Variants in ADGRB3 observed in about 807,000 individuals in gnomAD.
The protein encoded by ADGRB3 is brain-specific angiogenesis inhibitor 3.
In ADGRB3, 37 loss-of-function variants were observed where a neutral mutation model predicts 193.4. The ratio of observed to expected loss-of-function variants is 0.19; its 90% CI spans 0.15 to 0.25. ADGRB3 has a LOEUF of 0.25. ADGRB3 is among the 10% of genes least tolerant of loss of function. The pLI, the probability that ADGRB3 is intolerant of heterozygous loss-of-function variation, is 1.00. For missense variants in ADGRB3, 1,637 were observed against 1,852.9 expected, an observed-to-expected ratio of 0.88 and a Z score of 2.14; for synonymous variants, 690 against 644.2, an observed-to-expected ratio of 1.07 and a Z score of -1.08.
At position 68,741,432 on chromosome 6, in the gene ADGRB3, C is replaced by T. The variant is rs373879882; in HGVS notation, c.757+102000C>T. On this transcript the variant is annotated intron_variant, in intron 3 of 31. Coordinates refer to ENST00000370598, the MANE Select transcript of ADGRB3 (RefSeq NM_001704.3). ...TGGCTCTGTTGCCCAGGCTGGAGTG[C>T]AGTGCTGTGATCATGCCATCATGGC... is the stretch of plus-strand genomic sequence containing the variant. Among the ~76,000 whole-genome samples, 14 of 152,140 alleles carry T rather than the reference C, an allele frequency of 9.2e-5. No individual in the cohort carries two copies. The East Asian group carries it at 1.5e-3, about 17-fold the overall frequency.
intron 17 of ADGRB3, among the ~76,000 whole-genome samples, chr6:69,083,903 T>A (rs1772471622): frequency 6.6e-6 from 1 of 151,848 alleles, no homozygotes; most frequent in South Asian, 2.1e-4. Flanking sequence ...GCCTCCTGAT[T>A]AGCTGAGATT....
At chr6:69,330,016 T>G (rs181046297) in intron 22 of ADGRB3, among the ~76,000 whole-genome samples, 1 of 152,286 alleles carries the variant, frequency 6.6e-6, no homozygotes, top group Non-Finnish European at 1.5e-5. Flanking sequence ...ATGTAGCTTA[T>G]CCATTCCCTG....
chr6:69,243,537 CT>C (rs1385635106), intron 20 of ADGRB3, among the ~76,000 whole-genome samples: 1 of 151,978 alleles, frequency 6.6e-6, no homozygotes, highest in Non-Finnish European at 1.5e-5. Context: ...ACAATGGAAT[CT>C]TATGTACAGT....
intron 17 of ADGRB3, among the ~76,000 whole-genome samples, chr6:69,197,756 G>A (rs1765332407): frequency 6.6e-6 from 1 of 152,038 alleles, no homozygotes; most frequent in African/African-American, 2.4e-5. Flanking sequence ...ACTGAGGTAA[G>A]TATAATATCA....
intron 20 of ADGRB3, among the ~76,000 whole-genome samples, chr6:69,247,115 GCTCATC>G (rs1287200624): frequency 6.6e-6 from 1 of 152,038 alleles, no homozygotes; most frequent in Non-Finnish European, 1.5e-5. Flanking sequence ...CTTTCCATGA[GCTCATC>G]CTCCATATCA....
intron 3 of ADGRB3, among the ~76,000 whole-genome samples, chr6:68,919,450 A>G (rs1489709170): frequency 6.6e-6 from 1 of 152,162 alleles, no homozygotes; most frequent in Non-Finnish European, 1.5e-5. Flanking sequence ...TGCAAAATGT[A>G]TATTGGCCGA....
At chr6:69,158,227 A>G (rs1774896970) in intron 17 of ADGRB3, among the ~76,000 whole-genome samples, 1 of 151,856 alleles carries the variant, frequency 6.6e-6, no homozygotes, top group Admixed American at 6.6e-5. Flanking sequence ...TCCCCCTCAC[A>G]CCTACACAAC....
At chr6:68,928,558 A>G (rs1767247582) in intron 3 of ADGRB3, among the ~76,000 whole-genome samples, 1 of 152,142 alleles carries the variant, frequency 6.6e-6, no homozygotes, top group African/African-American at 2.4e-5. Flanking sequence ...CTAAATTTCA[A>G]GTTCATAGTC....
At chr6:69,064,599 TTTA>T (rs1228828238) in intron 16 of ADGRB3, among the ~76,000 whole-genome samples, 5 of 151,330 alleles carry the variant, frequency 3.3e-5, no homozygotes, top group African/African-American at 1.2e-4. Flanking sequence ...AATATATGTT[TTTA>T]TTGTTTTTCT....
At chr6:68,831,929 A>G (rs764192646) in intron 3 of ADGRB3, among the ~76,000 whole-genome samples, 5 of 152,174 alleles carry the variant, frequency 3.3e-5, no homozygotes, top group Non-Finnish European at 7.3e-5. Flanking sequence ...TCACACGACA[A>G]TGATCCGAGC....
At chr6:68,728,381 C>G (rs1275739233) in intron 3 of ADGRB3, among the ~76,000 whole-genome samples, 1 of 150,754 alleles carries the variant, frequency 6.6e-6, no homozygotes, top group Admixed American at 6.6e-5. Context: ...CCACAAAACT[C>G]TTATCTCCCA....
At chr6:69,162,078 A>T (rs1025068557) in intron 17 of ADGRB3, among the ~76,000 whole-genome samples, 18 of 152,112 alleles carry the variant, frequency 1.2e-4, no homozygotes, top group African/African-American at 3.9e-4. Flanking sequence ...ATCAGGAACC[A>T]TTGATGGCCA....
rs181829306 is a variant in ADGRB3 at position 69,042,544 on chromosome 6, G to A, written c.2108-5641G>A. On this transcript the variant is annotated intron_variant, in intron 13 of 31. Transcript: ENST00000370598. ...TTAAAAAGAAATTGTTAATGCCAAG[G>A]GGGTAATGCTACATGTAGATTCAGT... 2.2e-4 allele frequency among the ~76,000 whole-genome samples: 33 copies of A among 152,300 alleles called. 1 individual carries two copies. Among genetic ancestry groups the A allele is most frequent in the Admixed American group, 2.0e-3 (31 of 15,300 alleles).
At chr6:68,659,550 T>A (rs1307034582) in intron 3 of ADGRB3, among the ~76,000 whole-genome samples, 1 of 150,998 alleles carries the variant, frequency 6.6e-6, no homozygotes, top group Non-Finnish European at 1.5e-5. Flanking sequence ...ATTGATTTTT[T>A]AATGTAATTT....
chr6:69,340,686 T>A (rs1285495638), intron 26 of ADGRB3, among the ~76,000 whole-genome samples: 1 of 152,186 alleles, frequency 6.6e-6, no homozygotes, highest in Non-Finnish European at 1.5e-5. Context: ...TACATAGGTA[T>A]ACATGTGCCA....
intron 4 of ADGRB3, among the ~76,000 whole-genome samples, chr6:68,934,611 C>G (rs1363155562): frequency 1.3e-5 from 2 of 151,996 alleles, no homozygotes; most frequent in Non-Finnish European, 2.9e-5. Context: ...ATATTTATAC[C>G]TCACTTAATC....
At chr6:68,771,097 C>A (rs1766608353) in intron 3 of ADGRB3, among the ~76,000 whole-genome samples, 1 of 152,030 alleles carries the variant, frequency 6.6e-6, no homozygotes, top group Non-Finnish European at 1.5e-5. Flanking sequence ...ATGATGAGTG[C>A]ATCCATTAGT....
At chr6:68,917,815 T>C (rs1417671247) in intron 3 of ADGRB3, among the ~76,000 whole-genome samples, 3 of 152,170 alleles carry the variant, frequency 2.0e-5, no homozygotes, top group Non-Finnish European at 4.4e-5. Flanking sequence ...CACTACTAAT[T>C]GATATGCAAT....
intron 3 of ADGRB3, among the ~76,000 whole-genome samples, chr6:68,645,282 T>C (rs1768182544): frequency 6.6e-6 from 1 of 152,138 alleles, no homozygotes; most frequent in Admixed American, 6.5e-5. Flanking sequence ...TTTCTTCTTT[T>C]CAGAGTAGGC....
Sources: gnomAD v4.1 joint callset for allele counts (sites outside exome capture counted in the v4.1 genomes callset) on GRCh38, gnomAD v4.1.1 for gene constraint, MANE v1.5 for transcripts, NCBI Gene and HGNC (gene_info 2026-07-23, HGNC 2026-07-21) for gene names.